The following RMDN2 variants were observed in gnomAD, a reference collection of about 807,000 sequenced individuals.
RMDN2 encodes the protein regulator of microtubule dynamics 2.
RMDN2 carries 61 observed loss-of-function variants against 52.8 expected under a neutral mutation model. The ratio of observed to expected loss-of-function variants is 1.16; its 90% CI spans 0.94 to 1.43. RMDN2 has a LOEUF of 1.43. RMDN2 is among the 40% of genes most tolerant of loss of function. The probability of loss-of-function intolerance (pLI) is 0.00; values close to 1 mark genes in which losing one functional copy is unlikely to be tolerated. For synonymous variants in RMDN2, 180 were observed against 153.1 expected, an observed-to-expected ratio of 1.18 and a Z score of -1.30; for missense variants, 592 against 475.3, an observed-to-expected ratio of 1.25 and a Z score of -2.28.
intron 2 of RMDN2, among the ~76,000 whole-genome samples, chr2:37,946,485 T>A (rs1230119552): frequency 2.6e-5 from 4 of 152,258 alleles, no homozygotes; most frequent in African/African-American, 4.8e-5. Context: ...CTAATGTGTT[T>A]ACTGTGGTGT....
intron 6 of RMDN2, among the ~76,000 whole-genome samples, chr2:37,990,159 AAAATTATT>A (rs1285269471): frequency 6.6e-6 from 1 of 151,302 alleles, no homozygotes; most frequent in African/African-American, 2.4e-5. Context: ...AAAAAAAAAA[AAAATTATT>A]ATTAGTCCAG....
At chr2:37,980,913 G>A (rs1673227457) in intron 4 of RMDN2, among the ~76,000 whole-genome samples, 1 of 152,072 alleles carries the variant, frequency 6.6e-6, no homozygotes, top group African/African-American at 2.4e-5. Flanking sequence ...CACTCACACA[G>A]TATGGCACAT....
intron 2 of RMDN2, among the ~76,000 whole-genome samples, chr2:37,957,258 T>C (rs1669599140): frequency 6.6e-6 from 1 of 152,234 alleles, no homozygotes; most frequent in Non-Finnish European, 1.5e-5. Context: ...GTTGAACTAA[T>C]TTACACTCCC....
At chr2:38,053,122 T>A (rs1158896504) in intron 10 of RMDN2, among the ~76,000 whole-genome samples, 1 of 152,126 alleles carries the variant, frequency 6.6e-6, no homozygotes, top group East Asian at 1.9e-4. Context: ...TGCAAATAAT[T>A]CCCATTAAAA....
rs1255137241 is a variant in RMDN2 at position 38,008,817 on chromosome 2, T to C, written c.1179+4601T>C. 3.3e-5 allele frequency among the ~76,000 whole-genome samples: 5 copies of C among 152,246 alleles called. No individual in the cohort carries two copies. In the East Asian group the frequency reaches 9.6e-4, roughly 29 times the overall value. ...CCTAGCCTCGATGGTCTTTACAATT[T>C]GGCATGTTTTTGCAGTGGCTGGTAC... On this transcript the variant is annotated intron_variant, in intron 10 of 10. Transcript: ENST00000354545.
intron 7 of RMDN2, among the ~76,000 whole-genome samples, chr2:37,995,365 A>ACTG (rs1491550912): frequency 6.8e-6 from 1 of 146,712 alleles, no homozygotes; most frequent in Non-Finnish European, 1.5e-5. Context: ...TACTACTACT[A>ACTG]CACACACACA....
chr2:38,006,502 G>A (rs1260564107), intron 10 of RMDN2, among the ~76,000 whole-genome samples: 1 of 152,100 alleles, frequency 6.6e-6, no homozygotes, highest in Non-Finnish European at 1.5e-5. Flanking sequence ...TTGGCTCTCT[G>A]TTTGTCTGTT....
intron 10 of RMDN2, among the ~76,000 whole-genome samples, chr2:38,025,067 G>C (rs1310600668): frequency 1.3e-5 from 2 of 152,052 alleles, no homozygotes; most frequent in South Asian, 2.1e-4. Context: ...AGAAAAAAGT[G>C]GTTGTGATTT....
chr2:37,958,063 T>G (rs892302902), intron 2 of RMDN2, among the ~76,000 whole-genome samples: 2 of 152,212 alleles, frequency 1.3e-5, no homozygotes, highest in Non-Finnish European at 2.9e-5. Context: ...TAGTGTAGTT[T>G]GAAGTCAGGT....
rs575469509 is a variant in RMDN2 at position 37,978,521 on chromosome 2, C to G, written c.731-2762C>G. On this transcript the variant is annotated intron_variant, in intron 4 of 10. Transcript: ENST00000354545. ...ATATACAAAAACGAATGGAAATAAG[C>G]TCTTATTAAAGAAGAGTACAGAGGC... Among the ~76,000 whole-genome samples, 357 of 152,146 alleles carry G rather than the reference C, an allele frequency of 2.3e-3. 3 individuals are homozygous for G. The highest frequency in any genetic ancestry group is 8.2e-3 in the African/African-American group (342 of 41,510).
chr2:37,956,179 A>G (rs536382891), intron 2 of RMDN2, among the ~76,000 whole-genome samples: 1 of 152,228 alleles, frequency 6.6e-6, no homozygotes, highest in South Asian at 2.1e-4. Flanking sequence ...GTCAAACGCC[A>G]CCAAATATTT....
At chr2:37,984,294 C>T (rs959907716) in intron 5 of RMDN2, among the ~76,000 whole-genome samples, 4 of 152,096 alleles carry the variant, frequency 2.6e-5, no homozygotes, top group Non-Finnish European at 5.9e-5. Context: ...AATAAAGTGA[C>T]CAATGGATTT....
intron 10 of RMDN2, among the ~76,000 whole-genome samples, chr2:38,025,288 G>C (rs1354190394): frequency 6.6e-6 from 1 of 151,754 alleles, no homozygotes; most frequent in African/African-American, 2.4e-5. Context: ...TTCAATTTCT[G>C]ATTTTTTATT....
At chr2:38,010,441 C>A (rs1677805866) in intron 10 of RMDN2, among the ~76,000 whole-genome samples, 1 of 152,214 alleles carries the variant, frequency 6.6e-6, no homozygotes, top group Non-Finnish European at 1.5e-5. Flanking sequence ...TTGCTGCTGC[C>A]TTGCAGTTTG....
chr2:38,036,681 A>G (rs1326046767), intron 10 of RMDN2: 1 of 151,848 alleles, frequency 6.6e-6, no homozygotes, highest in Non-Finnish European at 1.5e-5. Context: ...GCTTTCTTAC[A>G]TGCTGAACTC....
chr2:38,051,406 A>G (rs1439317006), intron 10 of RMDN2, among the ~76,000 whole-genome samples: 1 of 152,154 alleles, frequency 6.6e-6, no homozygotes, highest in East Asian at 1.9e-4. Context: ...TTAGTTTTTT[A>G]TCTATTCGTA....
At chr2:37,940,924 T>C (rs1034437237) in intron 2 of RMDN2, among the ~76,000 whole-genome samples, 1 of 152,216 alleles carries the variant, frequency 6.6e-6, no homozygotes, top group African/African-American at 2.4e-5. Context: ...TGTCCAGTTT[T>C]GTTCCCTTGC....
chr2:37,976,738 C>T (rs1672515807), intron 4 of RMDN2, among the ~76,000 whole-genome samples: 1 of 152,010 alleles, frequency 6.6e-6, no homozygotes, highest in South Asian at 2.1e-4. Flanking sequence ...AAAAACTTAA[C>T]CAAGGAGAAC....
rs774690391 is a variant in RMDN2 at position 37,991,233 on chromosome 2, T to C, written c.881T>C (p.Ile294Thr). 6.9e-6 allele frequency: 11 copies of C among 1,585,856 alleles called. No homozygotes were observed. The highest frequency in any genetic ancestry group is 4.6e-5 in the East Asian group (2 of 43,952). ...YGHLFKEHLD[I>T]AIKLLPEEPF... ...TGCTTTTTTCAGGAACATCTAGATA[T>C]AGCAATCAAACTTTTACCAGAGGAA... is the stretch of plus-strand genomic sequence containing the variant. The change falls in exon 7 of 11, where the codon ATA becomes ACA. Residue 294 changes from isoleucine to threonine, a missense_variant. Coordinates refer to ENST00000354545, the MANE Select transcript of RMDN2 (RefSeq NM_001170791.3).
Sources: allele counts gnomAD v4.1 joint callset (sites outside exome capture counted in the v4.1 genomes callset), GRCh38; gene constraint gnomAD v4.1.1; transcripts MANE v1.5; gene names NCBI Gene and HGNC (gene_info 2026-07-23, HGNC 2026-07-21).